PPP2R2B: variants seen among roughly 807,000 people sequenced by gnomAD.
PPP2R2B encodes protein phosphatase 2 regulatory subunit Bbeta, also known as serine/threonine-protein phosphatase 2A 55 kDa regulatory subunit B beta isoform.
A neutral mutation model predicts 46.0 loss-of-function variants in PPP2R2B; 5 were observed. The ratio of observed to expected loss-of-function variants is 0.11; its 90% CI spans 0.06 to 0.23. The LOEUF (loss-of-function observed/expected upper bound fraction) is 0.23, where lower values mean the gene tolerates loss of function less well. Among genes scored for constraint, PPP2R2B ranks in the 10% least tolerant of loss-of-function variants. The probability of loss-of-function intolerance (pLI) is 1.00; values close to 1 mark genes in which losing one functional copy is unlikely to be tolerated. For missense variants in PPP2R2B, 367 were observed against 575.0 expected, an observed-to-expected ratio of 0.64 and a Z score of 3.70; for synonymous variants, 215 against 206.7, an observed-to-expected ratio of 1.04 and a Z score of -0.34.
At position 146,652,767 on chromosome 5, in the gene PPP2R2B, C is replaced by CTG. The variant is rs1561805638; in HGVS notation, c.448-2044_448-2043insCA. 3.9e-3 allele frequency among the ~76,000 whole-genome samples: 585 copies of CTG among 151,916 alleles called. 5 individuals carry two copies. The highest frequency in any genetic ancestry group is 0.014 in the African/African-American group (564 of 41,388). ...GGCTAGGTAGGAGGCAACACCCCCC[C>CTG]CCAAAAAGTTTTGCCATTATTCCAA... is the stretch of plus-strand genomic sequence containing the variant. On this transcript the variant is annotated intron_variant, in intron 5 of 9. Coordinates refer to ENST00000394411, the MANE Select transcript of PPP2R2B (RefSeq NM_181675.4).
At position 146,878,397 on chromosome 5, in the gene PPP2R2B, TCCCG is replaced by T; in HGVS notation, c.-125+190_-125+193del. 4 of 1,370,638 alleles carry T rather than the reference TCCCG, an allele frequency of 2.9e-6. No homozygotes were observed. The highest frequency in any genetic ancestry group is 2.6e-5 in the East Asian group (1 of 38,454). 84.9% of individuals were successfully genotyped at this position (1,370,638 alleles called of 1,614,324 possible). A position where few individuals can be genotyped will look rare whatever the true frequency, so the allele number is the denominator to read the frequency against. The stretch of plus-strand genomic sequence containing the variant: ...ATACGCCGTGCCCCGAGGGGTCTGG[TCCCG>T]CCCGCCCGCCCCGGAGGCGCTCACA... On this transcript the variant is annotated intron_variant, in intron 1 of 9. Transcript: ENST00000394411. The surrounding 1 kb of genome is among the most constrained non-coding windows in gnomAD (Gnocchi z 4.5).
chr5:146,743,678 C>T (rs1205037238), intron 2 of PPP2R2B, among the ~76,000 whole-genome samples: 3 of 152,052 alleles, frequency 2.0e-5, no homozygotes, highest in Non-Finnish European at 4.4e-5. Flanking sequence ...ATTTCATTTC[C>T]CTTCCTGTCA....
At chr5:146,784,843 C>A (rs929642804) in intron 2 of PPP2R2B, among the ~76,000 whole-genome samples, 4 of 152,130 alleles carry the variant, frequency 2.6e-5, no homozygotes, top group Non-Finnish European at 5.9e-5. Flanking sequence ...CAGAATCAGA[C>A]ATACTTGACT....
At chr5:146,711,510 A>C (rs940068935) in intron 2 of PPP2R2B, among the ~76,000 whole-genome samples, 1 of 152,226 alleles carries the variant, frequency 6.6e-6, no homozygotes, top group Non-Finnish European at 1.5e-5. Flanking sequence ...TGTCCTAAAA[A>C]GCCTTTGCAG....
At chr5:147,030,764 A>G (rs1191756521) in intron 1 of PPP2R2B, among the ~76,000 whole-genome samples, 1 of 152,084 alleles carries the variant, frequency 6.6e-6, no homozygotes, top group African/African-American at 2.4e-5. Context: ...TAACTCCCTT[A>G]ATCCCTTCCT....
At chr5:146,827,626 T>C (rs975729116) in intron 2 of PPP2R2B, among the ~76,000 whole-genome samples, 10 of 152,150 alleles carry the variant, frequency 6.6e-5, no homozygotes, top group Non-Finnish European at 1.0e-4. Context: ...AGTCTTGCCC[T>C]CATAGAATCC....
At chr5:146,663,811 C>T (rs887068981) in intron 5 of PPP2R2B, among the ~76,000 whole-genome samples, 1 of 151,846 alleles carries the variant, frequency 6.6e-6, no homozygotes, top group African/African-American at 2.4e-5. Flanking sequence ...GTTGAGGTGG[C>T]TGTTGCAATT....
Position 146,585,517 on chromosome 5 carries a change from G to A in PPP2R2B, c.*4430C>T, listed in dbSNP as rs1395185434. 1.3e-5 allele frequency: 2 copies of A among 152,188 alleles called. No homozygotes were observed. Among genetic ancestry groups the A allele is most frequent in the Non-Finnish European group, 2.9e-5 (2 of 68,036 alleles). 9.4% of individuals were successfully genotyped at this position (152,188 alleles called of 1,614,324 possible). ...GGCTTATAATAAGTGCTCAATAAATGTTAGCAACTATTGTATGTTAGAGCT... is the reference window on the plus strand; with the variant it reads ...GGCTTATAATAAGTGCTCAATAAATATTAGCAACTATTGTATGTTAGAGCT... On this transcript the variant is annotated 3_prime_UTR_variant, in exon 10 of 10. Transcript: ENST00000394411.
intron 6 of PPP2R2B, among the ~76,000 whole-genome samples, chr5:146,650,248 C>A (rs911599369): frequency 6.6e-6 from 1 of 152,116 alleles, no homozygotes; most frequent in Admixed American, 6.6e-5. Context: ...AGGGTCTTAT[C>A]CTATTGTTGA....
intron 1 of PPP2R2B, among the ~76,000 whole-genome samples, chr5:147,016,655 C>T (rs928646830): frequency 1.0e-5 from 1 of 95,484 alleles, no homozygotes; most frequent in Admixed American, 1.0e-4. Context: ...GCAGTATATT[C>T]AATCCTTCTG....
intron 2 of PPP2R2B, among the ~76,000 whole-genome samples, chr5:146,731,302 G>A (rs1019555488): frequency 5.3e-5 from 8 of 152,214 alleles, no homozygotes; most frequent in African/African-American, 1.9e-4. Context: ...CTGTGGTACT[G>A]CTGGGTACCT....
chr5:147,014,910 A>C (rs953302373), intron 1 of PPP2R2B, among the ~76,000 whole-genome samples: 15 of 152,116 alleles, frequency 9.9e-5, no homozygotes, highest in African/African-American at 3.1e-4. Flanking sequence ...AAAAAATAAA[A>C]AAAAATGAAT....
At chr5:146,967,858 C>T (rs1298685828) in intron 1 of PPP2R2B, among the ~76,000 whole-genome samples, 2 of 152,048 alleles carry the variant, frequency 1.3e-5, no homozygotes, top group Non-Finnish European at 2.9e-5. Flanking sequence ...AAAGAGAGAC[C>T]GACTCAGCCA....
upstream of PPP2R2B, among the ~76,000 whole-genome samples, chr5:146,881,475 C>T (rs984400219): frequency 2.6e-5 from 4 of 152,066 alleles, no homozygotes; most frequent in East Asian, 1.9e-4. Flanking sequence ...TGCAGTGACA[C>T]GATCAAGGCT....
chr5:146,754,578 T>C (rs1361278898), intron 2 of PPP2R2B, among the ~76,000 whole-genome samples: 2 of 152,208 alleles, frequency 1.3e-5, no homozygotes, highest in African/African-American at 4.8e-5. Flanking sequence ...CCAGACTTAG[T>C]AATTCATTTC....
chr5:146,726,224 A>T (rs1321449024), intron 2 of PPP2R2B, among the ~76,000 whole-genome samples: 2 of 152,222 alleles, frequency 1.3e-5, no homozygotes, highest in East Asian at 3.9e-4. Flanking sequence ...GGAGCCAAGC[A>T]CTTACTGGGC....
At chr5:147,032,555 A>G (rs996704278) in intron 1 of PPP2R2B, among the ~76,000 whole-genome samples, 1 of 151,586 alleles carries the variant, frequency 6.6e-6, no homozygotes, top group African/African-American at 2.4e-5. Flanking sequence ...TATCATTCTT[A>G]TGCCTTTGCA....
chr5:146,864,137 A>G (rs1042853973), intron 2 of PPP2R2B, among the ~76,000 whole-genome samples: 1 of 152,194 alleles, frequency 6.6e-6, no homozygotes, highest in African/African-American at 2.4e-5. Flanking sequence ...TTATTTATCT[A>G]TTTCACAATT....
Position 146,687,503 on chromosome 5 carries a change from G to A in PPP2R2B, c.447+3625C>T, listed in dbSNP as rs146185567. Among the ~76,000 whole-genome samples, 130 of 152,080 alleles carry A rather than the reference G, an allele frequency of 8.5e-4. 2 individuals are homozygous for A. The highest frequency in any genetic ancestry group is 3.0e-3 in the African/African-American group (125 of 41,392). The stretch of plus-strand genomic sequence containing the variant: ...AATGATCAATAAGTGCTAGATACCC[G>A]CATTTTCACCTGCTAAATACCTGTC... On this transcript the variant is annotated intron_variant, in intron 5 of 9. Coordinates refer to ENST00000394411, the MANE Select transcript of PPP2R2B (RefSeq NM_181675.4).
Sources: gnomAD v4.1 joint callset for allele counts (sites outside exome capture counted in the v4.1 genomes callset) on GRCh38, gnomAD v4.1.1 for gene constraint, Gnocchi (gnomAD v3.1) non-coding constraint, MANE v1.5 for transcripts, NCBI Gene and HGNC (gene_info 2026-07-23, HGNC 2026-07-21) for gene names.